TERT: variants seen among roughly 807,000 people sequenced by gnomAD.
TERT encodes telomerase reverse transcriptase, also known as telomerase catalytic subunit.
TERT carries 42 observed loss-of-function variants against 104.0 expected under a neutral mutation model. The ratio of observed to expected loss-of-function variants is 0.40; its 90% CI spans 0.32 to 0.52. The LOEUF is 0.52. TERT is among the 20% of genes least tolerant of loss of function. The probability of loss-of-function intolerance (pLI) is 0.43; values close to 1 mark genes in which losing one functional copy is unlikely to be tolerated. For missense variants in TERT, 1,101 were observed against 1,610.3 expected, an observed-to-expected ratio of 0.68 and a Z score of 5.41; for synonymous variants, 781 against 725.6, an observed-to-expected ratio of 1.08 and a Z score of -1.23.
At chr5:1,291,841 G>A (rs1751010438) in intron 2 of TERT, among the ~76,000 whole-genome samples, 1 of 152,238 alleles carries the variant, frequency 6.6e-6, no homozygotes, top group African/African-American at 2.4e-5. Flanking sequence ...AGCAATGACA[G>A]GCAGAGTCCT....
chr5:1,292,247 G>A lies in TERT; in HGVS notation c.1573+1066C>T, dbSNP rs1387982052. On this transcript the variant is annotated intron_variant, in intron 2 of 15. Transcript: ENST00000310581. This position sits in a 1 kb window ranked among gnomAD's most constrained non-coding sequence, Gnocchi z 5.5. ...ATCGGGACTTCTTCTAGCTGCCACGGTAGGGCCTGGGAGCACTGGGAGCCA... is the reference window on the plus strand; with the variant it reads ...ATCGGGACTTCTTCTAGCTGCCACGATAGGGCCTGGGAGCACTGGGAGCCA... Among the ~76,000 whole-genome samples the A allele has an allele frequency of 6.6e-6, 1 of 152,154 alleles. No homozygotes were observed. Among genetic ancestry groups the A allele is most frequent in the Non-Finnish European group, 1.5e-5 (1 of 68,034 alleles).
Position 1,267,961 on chromosome 5 carries a change from T to C in TERT, c.2582+559A>G, listed in dbSNP as rs146130101. 2.5e-3 allele frequency among the ~76,000 whole-genome samples: 381 copies of C among 152,116 alleles called. 3 individuals carry two copies. Among genetic ancestry groups the C allele is most frequent in the African/African-American group, 8.5e-3 (354 of 41,444 alleles). On this transcript the variant is annotated intron_variant, in intron 9 of 15. Coordinates refer to ENST00000310581, the MANE Select transcript of TERT (RefSeq NM_198253.3). ...AACTAACCTGCACGTCGTGCACATG[T>C]ACCCTAGAACTTAAAGTATTAAAAA... is the stretch of plus-strand genomic sequence containing the variant.
Position 1,282,506 on chromosome 5 carries a change from C to T in TERT, c.1692G>A (p.Thr564=), listed in dbSNP as rs377217777. 8.1e-6 allele frequency: 13 copies of T among 1,614,024 alleles called. No homozygotes were observed. The African/African-American group carries it at 9.3e-5, about 12-fold the overall frequency. ...VELLRSFFYV[T]ETTFQKNRLF... is the part of the protein sequence containing the mutation. ...GCCTGTTCTTTTGAAACGTGGTCTC[C>T]GTGACATAAAAGAAAGACCTGAGCA... is the stretch of plus-strand genomic sequence containing the variant. The change falls in exon 3 of 16, where the codon ACG becomes ACA. Residue 564 remains threonine, a synonymous_variant. Transcript: ENST00000310581.
intron 2 of TERT, among the ~76,000 whole-genome samples, chr5:1,289,885 G>A (rs1388450420): frequency 1.3e-5 from 1 of 74,956 alleles, no homozygotes; most frequent in Non-Finnish European, 2.5e-5. Flanking sequence ...CGGGGGCCGC[G>A]CCTCACTCAC....
Position 1,264,259 on chromosome 5 carries a change from A to G in TERT, c.2843+145T>C, listed in dbSNP as rs1331002862. On this transcript the variant is annotated intron_variant, in intron 11 of 15. Coordinates refer to ENST00000310581, the MANE Select transcript of TERT (RefSeq NM_198253.3). ...AAGATGCATTTCTGCTCAGCCCCAG[A>G]TGGGACGAGGGGCACCCTGTGGCCT... 4 of 808,242 alleles carry G rather than the reference A, an allele frequency of 4.9e-6. No homozygotes were observed. The East Asian group carries it at 1.1e-4, about 22-fold the overall frequency. 50.1% of individuals were successfully genotyped at this position (808,242 alleles called of 1,614,324 possible). A position where few individuals can be genotyped will look rare whatever the true frequency, so the allele number is the denominator to read the frequency against.
chr5:1,280,444 C>A (rs1193272638), intron 3 of TERT, 106 bp from the exon 4 acceptor site: 5 of 1,261,294 alleles, frequency 4.0e-6, no homozygotes, highest in Non-Finnish European at 4.5e-6. Flanking sequence ...GCTCAGGGCA[C>A]CCACGGCAGC....
chr5:1,279,305 G>A lies in TERT; in HGVS notation c.2116C>T (p.Leu706=). The A allele has an allele frequency of 6.3e-7, 1 of 1,583,180 alleles. No homozygotes were observed. Among genetic ancestry groups the A allele is most frequent in the Non-Finnish European group, 8.6e-7 (1 of 1,166,912 alleles). The change falls in exon 5 of 16, where the codon CTG becomes TTG. Residue 706 remains leucine (L), a synonymous_variant. Coordinates refer to ENST00000310581, the MANE Select transcript of TERT (RefSeq NM_198253.3). Reference sequence around the variant, plus strand: ...CCGGCACCCACCTTGACAAAGTACAGCTCAGGCGGCGGGTCCTGGGCCCGC... The same window carrying A: ...CCGGCACCCACCTTGACAAAGTACAACTCAGGCGGCGGGTCCTGGGCCCGC... ...RVRAQDPPPE[L]YFVKVDVTGA...
Position 1,292,447 on chromosome 5 carries a change from G to A in TERT, c.1573+866C>T, listed in dbSNP as rs572897738. Among the ~76,000 whole-genome samples, 1 of 152,090 alleles carries A rather than the reference G, an allele frequency of 6.6e-6. No homozygotes were observed. The highest frequency in any genetic ancestry group is 1.5e-5 in the Non-Finnish European group (1 of 68,010). ...TGGCCCTCTTCATACCTAAAGATGG[G>A]ACCAGGATCTGTGCTGGAGAACAGT... On this transcript the variant is annotated intron_variant, in intron 2 of 15. Transcript: ENST00000310581. The surrounding 1 kb of genome is among the most constrained non-coding windows in gnomAD (Gnocchi z 5.5).
intron 2 of TERT, among the ~76,000 whole-genome samples, chr5:1,284,136 C>T (rs1245574090): frequency 8.4e-6 from 1 of 118,814 alleles, no homozygotes; most frequent in Non-Finnish European, 1.8e-5. Flanking sequence ...TCACCGAGGG[C>T]CTGGCGACCA....
intron 13 of TERT, 63 bp downstream of exon 13, chr5:1,258,535 A>G (rs1747919254): frequency 1.4e-6 from 2 of 1,453,592 alleles, no homozygotes; most frequent in East Asian, 4.9e-5. Flanking sequence ...GCCCCGGGTC[A>G]GAGGTGAGCA....
intron 9 of TERT, among the ~76,000 whole-genome samples, chr5:1,267,694 C>T (rs1323544789): frequency 1.3e-5 from 2 of 152,068 alleles, no homozygotes; most frequent in Non-Finnish European, 2.9e-5. Context: ...GGGACATGGA[C>T]GAAGCTGGAA....
At chr5:1,264,067 G>A (rs571188374) in intron 11 of TERT, among the ~76,000 whole-genome samples, 1 of 152,240 alleles carries the variant, frequency 6.6e-6, no homozygotes, top group Admixed American at 6.5e-5. Flanking sequence ...GGGCCCCTGT[G>A]TTTCGGGTTT....
At chr5:1,258,549 C>A (rs746902908) in intron 13 of TERT, 49 bp downstream of exon 13, 1 of 1,522,224 alleles carries the variant, frequency 6.6e-7, no homozygotes, top group Admixed American at 2.0e-5. Flanking sequence ...GTGAGCAGAG[C>A]GCGGAGGGTC....
Position 1,278,739 on chromosome 5 carries a change from C to A in TERT, c.2188G>T (p.Ala730Ser). 6.2e-7 allele frequency: 1 copy of A among 1,614,184 alleles called. No individual in the cohort carries two copies. Among genetic ancestry groups the A allele is most frequent in the South Asian group, 1.1e-5 (1 of 91,086 alleles). ...IPQDRLTEVI[A>S]SIIKPQNTYC... ...GTGTTCTGGGGTTTGATGATGCTGG[C>A]GATGACCTCCGTGAGCCTGTCCTGG... Residue 730 changes from alanine (A) to serine (S), a missense_variant, in exon 6 of 16, where the codon GCC becomes TCC. Ala to Ser is a moderately conservative substitution (Grantham distance 99). This residue lies in a region of TERT where 463 missense variants were observed against 797.5 expected (regional missense o/e 0.58). Coordinates refer to ENST00000310581, the MANE Select transcript of TERT (RefSeq NM_198253.3).
rs565551254 is a variant in TERT at position 1,264,119 on chromosome 5, G to A, written c.2843+285C>T. 4.9e-4 allele frequency: 237 copies of A among 485,934 alleles called. 2 individuals carry two copies. Among genetic ancestry groups the A allele is most frequent in the African/African-American group, 3.9e-3 (202 of 51,870 alleles). The allele number at this position is 485,934 out of a possible 1,614,324, so 30.1% of individuals were successfully genotyped here. ...AGCAGGGCCCGGGCGTCTTGGGTTC[G>A]GATCCAGACTGCTTTCTGAAGACAC... On this transcript the variant is annotated intron_variant, in intron 11 of 15. Coordinates refer to ENST00000310581, the MANE Select transcript of TERT (RefSeq NM_198253.3).
rs146004851 is a variant in TERT at position 1,256,449 on chromosome 5, G to C, written c.3033-1038C>G. Among the ~76,000 whole-genome samples the C allele has an allele frequency of 2.0e-5, 3 of 147,286 alleles. No homozygotes were observed. Among genetic ancestry groups the C allele is most frequent in the African/African-American group, 7.9e-5 (3 of 38,162 alleles). ...ATCAGAGCCCCCGTGTACCTGGTCTGACCCTCTGCCTGAGCCCCCCGTGTA... is the reference window on the plus strand; with the variant it reads ...ATCAGAGCCCCCGTGTACCTGGTCTCACCCTCTGCCTGAGCCCCCCGTGTA... On this transcript the variant is annotated intron_variant, in intron 13 of 15. Coordinates refer to ENST00000310581, the MANE Select transcript of TERT (RefSeq NM_198253.3). This position sits in a 1 kb window ranked among gnomAD's most constrained non-coding sequence, Gnocchi z 7.0.
At chr5:1,277,155 G>A (rs757012420) in intron 6 of TERT, among the ~76,000 whole-genome samples, 4 of 152,158 alleles carry the variant, frequency 2.6e-5, no homozygotes, top group Non-Finnish European at 4.4e-5. Flanking sequence ...AGGCGGCTTC[G>A]ACACCTTCAG....
At chr5:1,266,651 A>G in intron 9 of TERT, 116 bp from the exon 10 acceptor site, 1 of 921,778 alleles carries the variant, frequency 1.1e-6, no homozygotes. Context: ...AACATTCTCC[A>G]AAGCGGTTAA....
intron 12 of TERT, among the ~76,000 whole-genome samples, chr5:1,259,419 T>C (rs1423595910): frequency 1.8e-5 from 1 of 55,598 alleles, no homozygotes; most frequent in African/African-American, 7.7e-5. Context: ...GAGGGGGGAG[T>C]GGACACGGAC....
Sources: gnomAD v4.1 joint callset for allele counts (sites outside exome capture counted in the v4.1 genomes callset) on GRCh38, gnomAD v4.1.1 for gene constraint, gnomAD v4.1.1 regional missense constraint, Gnocchi (gnomAD v3.1) non-coding constraint, MANE v1.5 for transcripts, NCBI Gene and HGNC (gene_info 2026-07-23, HGNC 2026-07-21) for gene names.